The following SDK1 variants were observed in gnomAD, a reference collection of about 807,000 sequenced individuals.
The protein encoded by SDK1 is protein sidekick-1.
A neutral mutation model predicts 245.5 loss-of-function variants in SDK1; 157 were observed. That is an observed-to-expected ratio of 0.64 (90% CI 0.56 to 0.73). The LOEUF (loss-of-function observed/expected upper bound fraction) is 0.73. Among genes scored for constraint, SDK1 ranks in the 30% least tolerant of loss-of-function variants. The pLI, the probability that SDK1 is intolerant of heterozygous loss-of-function variation, is 0.00. For missense variants in SDK1, 3,583 were observed against 3,002.3 expected, an observed-to-expected ratio of 1.19 and a Z score of -4.52; for synonymous variants, 1,647 against 1,278.5, an observed-to-expected ratio of 1.29 and a Z score of -6.15.
At chr7:3,998,396 A>G (rs550401305) in intron 14 of SDK1, among the ~76,000 whole-genome samples, 1 of 152,404 alleles carries the variant, frequency 6.6e-6, no homozygotes, top group Admixed American at 6.5e-5. Context: ...CATGTAATAC[A>G]TTCCTTCCAT....
chr7:3,739,980 A>G (rs77161634), intron 4 of SDK1, among the ~76,000 whole-genome samples: 2,611 of 152,236 alleles, frequency 0.017, 74 homozygotes, highest in African/African-American at 0.061. Flanking sequence ...TATATATTCT[A>G]TGTATGTTTA....
chr7:3,940,018 C>G (rs574036297), intron 5 of SDK1, among the ~76,000 whole-genome samples: 1 of 152,386 alleles, frequency 6.6e-6, no homozygotes, highest in African/African-American at 2.4e-5. Context: ...GAAAGACTCA[C>G]CAGTTCCTGT....
intron 32 of SDK1, among the ~76,000 whole-genome samples, chr7:4,167,685 A>C (rs611300): frequency 0.28 from 42,430 of 152,248 alleles, 7,647 homozygotes; most frequent in African/African-American, 0.51. Flanking sequence ...CTGGGCATTT[A>C]AACATGAACA....
chr7:3,796,575 C>T (rs1009571521), intron 4 of SDK1, among the ~76,000 whole-genome samples: 11 of 152,180 alleles, frequency 7.2e-5, no homozygotes, highest in African/African-American at 2.2e-4. Context: ...ACTTTCAGTA[C>T]ATAGCCAGGC....
At chr7:4,187,125 G>T (rs556330873) in intron 35 of SDK1, among the ~76,000 whole-genome samples, 1 of 152,304 alleles carries the variant, frequency 6.6e-6, no homozygotes, top group African/African-American at 2.4e-5. Flanking sequence ...CTGTGAGAGA[G>T]GACAGGTGGG....
Position 4,132,356 on chromosome 7 carries a change from C to T in SDK1, c.4161C>T (p.Pro1387=), listed in dbSNP as rs778564851. ...GCCCACCAGTGAGGCTCGTGTTCCCCGAAGTGAGACTCACCTCCGTGCGGA... is the reference window on the plus strand; with the variant it reads ...GCCCACCAGTGAGGCTCGTGTTCCCTGAAGTGAGACTCACCTCCGTGCGGA... ...APGPPVRLVF[P]EVRLTSVRIV... Residue 1387 remains proline, a synonymous_variant, in exon 28 of 45, where the codon CCC becomes CCT. Transcript: ENST00000404826. 58 of 1,612,680 alleles carry T rather than the reference C, an allele frequency of 3.6e-5. No individual in the cohort carries two copies. The highest frequency in any genetic ancestry group is 2.4e-4 in the South Asian group (22 of 90,926).
Position 3,301,628 on chromosome 7 carries a change from C to T in SDK1, c.42C>T (p.Gly14=), listed in dbSNP as rs1779260559. Residue 14 remains glycine, a synonymous_variant, in exon 1 of 45, where the codon GGC becomes GGT. Coordinates refer to ENST00000404826, the MANE Select transcript of SDK1 (RefSeq NM_152744.4). ...GGCCCTCGGCGGCCGGTGGCGGCGGCGGCGGCGCGGAGCCCCCTGAGCGCG... is the reference window on the plus strand; with the variant it reads ...GGCCCTCGGCGGCCGGTGGCGGCGGTGGCGGCGCGGAGCCCCCTGAGCGCG... ...GARPSAAGGG[G]GGAEPPERAG... 2 of 977,124 alleles carry T rather than the reference C, an allele frequency of 2.0e-6. No homozygotes were observed. The highest frequency in any genetic ancestry group is 1.3e-4 in the Admixed American group (2 of 15,640). 60.5% of individuals were successfully genotyped at this position (977,124 alleles called of 1,614,324 possible). A position where few individuals can be genotyped will look rare whatever the true frequency, so the allele number is the denominator to read the frequency against.
intron 4 of SDK1, among the ~76,000 whole-genome samples, chr7:3,686,827 G>T (rs1392375817): frequency 1.3e-5 from 2 of 152,152 alleles, no homozygotes; most frequent in African/African-American, 4.8e-5. Flanking sequence ...GGATCCCTGT[G>T]GATTGGAGAG....
intron 2 of SDK1, 92 bp from the exon 3 acceptor site, chr7:3,638,912 C>T (rs1008777039): frequency 7.6e-6 from 5 of 654,694 alleles, no homozygotes; most frequent in Admixed American, 7.4e-5. Context: ...AGATGAGATG[C>T]CAGTGCTGTT....
At chr7:3,504,370 A>C (rs966052994) in intron 1 of SDK1, among the ~76,000 whole-genome samples, 1 of 151,992 alleles carries the variant, frequency 6.6e-6, no homozygotes, top group Admixed American at 6.6e-5. Context: ...GTATTGAAAA[A>C]GAAGATCAAA....
intron 1 of SDK1, among the ~76,000 whole-genome samples, chr7:3,334,457 A>G (rs1391716261): frequency 2.0e-5 from 3 of 151,936 alleles, no homozygotes; most frequent in African/African-American, 7.3e-5. Context: ...GGTAGCTGTC[A>G]TAGCCCCGTA....
intron 5 of SDK1, among the ~76,000 whole-genome samples, chr7:3,938,797 C>T (rs963334014): frequency 3.3e-5 from 5 of 152,190 alleles, no homozygotes; most frequent in Non-Finnish European, 7.3e-5. Flanking sequence ...TGTGCTCATC[C>T]TGAACTAAAT....
chr7:3,676,536 G>A (rs372072611), intron 4 of SDK1, among the ~76,000 whole-genome samples: 175 of 151,750 alleles, frequency 1.2e-3, no homozygotes, highest in African/African-American at 1.8e-3. Flanking sequence ...CCTGTTAGCC[G>A]GGATGGTCTC....
At chr7:3,614,916 C>CT (rs148131080) in intron 1 of SDK1, among the ~76,000 whole-genome samples, 6,115 of 144,768 alleles carry the variant, frequency 0.042, 386 homozygotes, top group African/African-American at 0.13. Context: ...TTAAAATGAG[C>CT]TTTTTTTTTC....
chr7:3,701,235 C>A (rs1172079931), intron 4 of SDK1, among the ~76,000 whole-genome samples: 3 of 152,150 alleles, frequency 2.0e-5, no homozygotes, highest in African/African-American at 7.2e-5. Context: ...TCCAACAGAA[C>A]ATATACAGCA....
At chr7:4,075,058 T>C (rs530832207) in intron 20 of SDK1, among the ~76,000 whole-genome samples, 63 of 151,378 alleles carry the variant, frequency 4.2e-4, no homozygotes, top group Non-Finnish European at 8.1e-4. Flanking sequence ...GCGCCTTTGA[T>C]GAAGACACCA....
Position 3,656,236 on chromosome 7 carries a change from C to G in SDK1, c.713+14131C>G, listed in dbSNP as rs547736112. On this transcript the variant is annotated intron_variant, in intron 4 of 44. Transcript: ENST00000404826. ...TTACTTCCATCCCATTTGTAATGTC[C>G]TTGGGAAACTCAAGTGAGTCCCACT... Among the ~76,000 whole-genome samples the G allele has an allele frequency of 7.2e-5, 11 of 152,306 alleles. No homozygotes were observed. In the South Asian group the frequency reaches 2.1e-3, roughly 29 times the overall value.
intron 30 of SDK1, among the ~76,000 whole-genome samples, chr7:4,155,092 C>T (rs1780639229): frequency 1.3e-5 from 2 of 151,792 alleles, no homozygotes; most frequent in South Asian, 2.1e-4. Flanking sequence ...TACTGCAGAG[C>T]CAGGAGAGGG....
At chr7:3,395,098 C>G in intron 1 of SDK1, among the ~76,000 whole-genome samples, 1 of 151,956 alleles carries the variant, frequency 6.6e-6, no homozygotes, top group Admixed American at 6.6e-5. Context: ...AGAATTTGGT[C>G]TTTCACCAAT....
Sources: allele counts gnomAD v4.1 joint callset (sites outside exome capture counted in the v4.1 genomes callset), GRCh38; gene constraint gnomAD v4.1.1; transcripts MANE v1.5; gene names NCBI Gene and HGNC (gene_info 2026-07-23, HGNC 2026-07-21).